The following PSME4 variants were observed in gnomAD, a reference collection of about 807,000 sequenced individuals.
PSME4 encodes the protein proteasome activator complex subunit 4.
Under a neutral mutation model 253.9 loss-of-function variants are expected in PSME4, and 89 were observed. That is an observed-to-expected ratio of 0.35 (90% CI 0.30 to 0.42). The LOEUF is 0.42. Among genes scored for constraint, PSME4 ranks in the 10% least tolerant of loss-of-function variants. PSME4 has a pLI of 1.00. For synonymous variants in PSME4, 851 were observed against 759.2 expected, an observed-to-expected ratio of 1.12 and a Z score of -1.99; for missense variants, 2,014 against 2,195.2, an observed-to-expected ratio of 0.92 and a Z score of 1.65.
intron 24 of PSME4, chr2:53,907,942 C>G (rs1026635553): frequency 6.0e-6 from 1 of 165,504 alleles, no homozygotes; most frequent in African/African-American, 2.4e-5. Context: ...ATGACTTCTG[C>G]AGCTGAATAT....
At chr2:53,869,662 G>T in intron 43 of PSME4, 124 bp from the exon 44 acceptor site, 1 of 687,894 alleles carries the variant, frequency 1.5e-6, no homozygotes, top group Admixed American at 2.9e-5. Context: ...TTTTGTGTAT[G>T]CTCTTTGGCA....
At position 53,906,632 on chromosome 2, in the gene PSME4, T is replaced by C. The variant is rs1474778287; in HGVS notation, c.2909A>G (p.Asp970Gly). The part of the protein sequence containing the change: ...YKKIHQDMIR[D>G]LLRLSTSSYS... The stretch of plus-strand genomic sequence containing the variant: ...TGAACTTGTAGATAAACGAAGAAGA[T>C]CTCTGATCATATCTTGATGTATCTT... Residue 970 changes from aspartate to glycine, a missense_variant, in exon 26 of 47, where the codon GAT becomes GGT. Asp to Gly is a moderately conservative substitution (Grantham distance 94). Around this residue, in one of 4 missense-constraint regions of PSME4, gnomAD observed 989 missense variants for 1,021.1 expected, o/e 0.97. Coordinates refer to ENST00000404125, the MANE Select transcript of PSME4 (RefSeq NM_014614.3). 4 of 1,601,758 alleles carry C rather than the reference T, an allele frequency of 2.5e-6. No homozygotes were observed. Among genetic ancestry groups the C allele is most frequent in the South Asian group, 2.2e-5 (2 of 89,310 alleles).
chr2:53,875,159 T>C (rs1459489163), intron 42 of PSME4, among the ~76,000 whole-genome samples: 1 of 152,178 alleles, frequency 6.6e-6, no homozygotes, highest in African/African-American at 2.4e-5. Flanking sequence ...GGTTATCAAA[T>C]TTAAAATGAA....
Position 53,864,239 on chromosome 2 carries a change from T to C in PSME4, c.*1339A>G, listed in dbSNP as rs1678465727. 6.6e-6 allele frequency: 1 copy of C among 152,406 alleles called. No homozygotes were observed. Among genetic ancestry groups the C allele is most frequent in the Middle Eastern group, 3.4e-3 (1 of 294 alleles). 9.4% of individuals were successfully genotyped at this position (152,406 alleles called of 1,614,324 possible). On this transcript the variant is annotated 3_prime_UTR_variant, in exon 47 of 47. Coordinates refer to ENST00000404125, the MANE Select transcript of PSME4 (RefSeq NM_014614.3). ...ATTCAGCATGTAGATACTAAAAATA[T>C]ACTGTAGTGTTCCTTTAAGGAAGAC...
chr2:53,958,586 G>C (rs1016878342), intron 1 of PSME4, among the ~76,000 whole-genome samples: 3 of 152,092 alleles, frequency 2.0e-5, no homozygotes, highest in African/African-American at 7.2e-5. Flanking sequence ...TCTCCCAAGA[G>C]GCGCTTCCTT....
chr2:53,962,964 C>T (rs1365767758), intron 1 of PSME4, among the ~76,000 whole-genome samples: 1 of 150,720 alleles, frequency 6.6e-6, no homozygotes, highest in Non-Finnish European at 1.5e-5. Context: ...GAGCCGAGAT[C>T]GCGCCACTGC....
intron 8 of PSME4, 177 bp from the exon 9 acceptor site, chr2:53,932,937 C>T: frequency 1.8e-6 from 1 of 549,614 alleles, no homozygotes; most frequent in Non-Finnish European, 3.2e-6. Context: ...TTCATGCAAA[C>T]CAACTCAAAA....
chr2:53,960,304 T>C (rs1307042647), intron 1 of PSME4, among the ~76,000 whole-genome samples: 2 of 147,140 alleles, frequency 1.4e-5, no homozygotes, highest in East Asian at 4.0e-4. Flanking sequence ...GAGGCTGAGG[T>C]GGGAGGATCA....
chr2:53,958,812 C>T (rs1322424495), intron 1 of PSME4, among the ~76,000 whole-genome samples: 3 of 143,090 alleles, frequency 2.1e-5, no homozygotes, highest in Admixed American at 2.1e-4. Flanking sequence ...CTACTGAATA[C>T]ATATTTAAAA....
At chr2:53,940,050 T>C (rs1669318007) in intron 3 of PSME4, 50 bp from the exon 4 acceptor site, 3 of 1,317,678 alleles carry the variant, frequency 2.3e-6, no homozygotes, top group Non-Finnish European at 1.1e-6. Flanking sequence ...TTTAAGAACA[T>C]ATCTAATTCA....
At chr2:53,898,264 A>C in intron 30 of PSME4, 37 bp downstream of exon 30, 1 of 1,567,800 alleles carries the variant, frequency 6.4e-7, no homozygotes, top group Non-Finnish European at 8.7e-7. Flanking sequence ...TATTTATGAA[A>C]AATGCTGTGA....
intron 46 of PSME4, 108 bp downstream of exon 46, chr2:53,865,977 C>G (rs1170996273): frequency 8.3e-7 from 1 of 1,199,460 alleles, no homozygotes; most frequent in Non-Finnish European, 1.1e-6. Flanking sequence ...CGCCATCCAA[C>G]TTTATCTAAA....
Position 53,936,836 on chromosome 2 carries a change from GA to G in PSME4, c.696-10del. On this transcript the variant is annotated splice_polypyrimidine_tract_variant and intron_variant, in intron 5 of 46. Transcript: ENST00000404125. ...ATTCATCAAACCAAAGTCTAAAGAA[GA>G]AAAATGTTGTTATGAATAGCAAGTG... 1 of 1,574,410 alleles carries G rather than the reference GA, an allele frequency of 6.4e-7. No homozygotes were observed. Among genetic ancestry groups the G allele is most frequent in the Non-Finnish European group, 8.6e-7 (1 of 1,159,654 alleles).
rs932961476 is a variant in PSME4, at chr2:53,867,794, GT to G, written c.5264-915del. On this transcript the variant is annotated intron_variant, in intron 44 of 46. Coordinates refer to ENST00000404125, the MANE Select transcript of PSME4 (RefSeq NM_014614.3). ...ACAATCTCCAATCAAAATTAGCGTGGTTTTTTTTTTCTGGATGTGACGCCCC... is the reference window on the plus strand; with the variant it reads ...ACAATCTCCAATCAAAATTAGCGTGGTTTTTTTTTCTGGATGTGACGCCCC... Among the ~76,000 whole-genome samples the G allele has an allele frequency of 4.7e-5, 7 of 148,400 alleles. No homozygotes were observed. In the East Asian group the frequency reaches 5.9e-4, roughly 12 times the overall value.
intron 10 of PSME4, among the ~76,000 whole-genome samples, chr2:53,929,589 C>T (rs554230065): frequency 2.6e-5 from 4 of 151,604 alleles, no homozygotes; most frequent in African/African-American, 9.7e-5. Flanking sequence ...GCCAGCCTAG[C>T]TGCTTATTTT....
chr2:53,916,276 A>G (rs1215100818), intron 20 of PSME4, among the ~76,000 whole-genome samples: 2 of 150,556 alleles, frequency 1.3e-5, no homozygotes. Flanking sequence ...ATGAATTGCT[A>G]TGTGCGTCTA....
intron 27 of PSME4, among the ~76,000 whole-genome samples, 165 bp from the exon 28 acceptor site, chr2:53,901,724 T>C (rs1312702612): frequency 6.6e-6 from 1 of 152,228 alleles, no homozygotes; most frequent in Non-Finnish European, 1.5e-5. Flanking sequence ...TTTTTAGAAA[T>C]CTGAACTTGA....
intron 1 of PSME4, among the ~76,000 whole-genome samples, chr2:53,963,197 A>G (rs989615265): frequency 7.2e-5 from 11 of 151,980 alleles, no homozygotes; most frequent in African/African-American, 2.4e-4. Context: ...GTGGTGGTAT[A>G]TGTCTGTAGT....
At chr2:53,887,769 C>CA (rs1679708302) in intron 39 of PSME4, 89 bp downstream of exon 39, 1 of 1,400,160 alleles carries the variant, frequency 7.1e-7, no homozygotes, top group African/African-American at 1.5e-5. Flanking sequence ...CCACTGACAA[C>CA]ATAACCAGCA....
Sources: allele counts gnomAD v4.1 joint callset (sites outside exome capture counted in the v4.1 genomes callset), GRCh38; gene constraint gnomAD v4.1.1; regional missense constraint gnomAD v4.1.1; transcripts MANE v1.5; gene names NCBI Gene and HGNC (gene_info 2026-07-23, HGNC 2026-07-21).